BRINP1: variants seen among roughly 807,000 people sequenced by gnomAD.
BRINP1 encodes the protein BMP/retinoic acid inducible neural specific 1.
BRINP1 carries 17 observed loss-of-function variants against 72.9 expected under a neutral mutation model. That is an observed-to-expected ratio of 0.23 (90% CI 0.16 to 0.35). The LOEUF (loss-of-function observed/expected upper bound fraction) is 0.35, where lower values mean the gene tolerates loss of function less well. Ranked by LOEUF, BRINP1 falls within the 10% of genes least tolerant of loss-of-function variation. The pLI is 1.00. For missense variants in BRINP1, 850 were observed against 1,001.6 expected (o/e 0.85, Z 2.04); for synonymous variants, 418 against 378.5 (o/e 1.10, Z -1.21).
At chr9:119,352,889 TTCA>T (rs1263648322) in intron 1 of BRINP1, among the ~76,000 whole-genome samples, 2 of 152,210 alleles carry the variant, frequency 1.3e-5, no homozygotes, top group African/African-American at 4.8e-5. Context: ...CACTATCAAC[TTCA>T]TACAAATGAG....
intron 7 of BRINP1, among the ~76,000 whole-genome samples, chr9:119,200,471 T>A (rs1388071420): frequency 6.6e-6 from 1 of 151,684 alleles, no homozygotes; most frequent in Non-Finnish European, 1.5e-5. Context: ...AAAAATTAGA[T>A]AAGCTAGCCA....
At chr9:119,278,796 G>T (rs373785700) in intron 2 of BRINP1, among the ~76,000 whole-genome samples, 3 of 152,260 alleles carry the variant, frequency 2.0e-5, no homozygotes, top group African/African-American at 7.2e-5. Context: ...GCTGAGGCAG[G>T]AGAGTGGCTT....
At chr9:119,283,827 C>T (rs1221146) in intron 2 of BRINP1, among the ~76,000 whole-genome samples, 37,957 of 152,140 alleles carry the variant, frequency 0.25, 5,718 homozygotes, top group Non-Finnish European at 0.33. Context: ...GCCACTGCGC[C>T]TGGCCTCCTC....
chr9:119,325,918 C>T (rs117376687), intron 1 of BRINP1, among the ~76,000 whole-genome samples: 172 of 152,306 alleles, frequency 1.1e-3, no homozygotes, highest in Middle Eastern at 3.4e-3. Flanking sequence ...AATCTCCATG[C>T]CTCAGTGCCT....
At chr9:119,287,472 C>T (rs1830774278) in intron 2 of BRINP1, among the ~76,000 whole-genome samples, 1 of 152,180 alleles carries the variant, frequency 6.6e-6, no homozygotes, top group African/African-American at 2.4e-5. Flanking sequence ...CACATGTCTA[C>T]ACTAGAGTAC....
At chr9:119,345,386 G>T (rs1236362305) in intron 1 of BRINP1, among the ~76,000 whole-genome samples, 2 of 152,138 alleles carry the variant, frequency 1.3e-5, no homozygotes, top group Admixed American at 6.5e-5. Context: ...TGCTCTATTA[G>T]CTGTAATAGT....
chr9:119,204,554 A>T (rs1829833449), intron 7 of BRINP1, among the ~76,000 whole-genome samples: 1 of 152,142 alleles, frequency 6.6e-6, no homozygotes, highest in Non-Finnish European at 1.5e-5. Flanking sequence ...ATCGCTTCAT[A>T]AGACTGTAGT....
intron 7 of BRINP1, among the ~76,000 whole-genome samples, chr9:119,178,037 G>GTGTT (rs1373573761): frequency 6.6e-6 from 1 of 152,176 alleles, no homozygotes; most frequent in Non-Finnish European, 1.5e-5. Context: ...AAAGGACTTG[G>GTGTT]TGTTGGAGAT....
intron 2 of BRINP1, among the ~76,000 whole-genome samples, chr9:119,260,845 G>T (rs759706952): frequency 4.5e-4 from 68 of 152,224 alleles, no homozygotes; most frequent in Non-Finnish European, 7.8e-4. Flanking sequence ...GTCGTCTAAA[G>T]TATTCTTAGA....
chr9:119,309,560 A>AATG (rs1049802976), intron 2 of BRINP1, among the ~76,000 whole-genome samples: 62 of 152,202 alleles, frequency 4.1e-4, no homozygotes, highest in Admixed American at 9.2e-4. Context: ...ACTTTGTTAG[A>AATG]ATGATGATTT....
rs1453774368 is a variant in BRINP1 at position 119,193,075 on chromosome 9, C to G, written c.1145+15644G>C. 3.9e-5 allele frequency among the ~76,000 whole-genome samples: 6 copies of G among 152,130 alleles called. No individual in the cohort carries two copies. In the East Asian group the frequency reaches 1.2e-3, roughly 29 times the overall value. On this transcript the variant is annotated intron_variant, in intron 7 of 7. Coordinates refer to ENST00000265922, the MANE Select transcript of BRINP1 (RefSeq NM_014618.3). ...TATATTACCTAATGCAATGTAAATA[C>G]TATGACATGGTTATAATGCTATATT...
intron 2 of BRINP1, among the ~76,000 whole-genome samples, chr9:119,292,210 A>G (rs1053213306): frequency 6.6e-6 from 1 of 152,210 alleles, no homozygotes; most frequent in Non-Finnish European, 1.5e-5. Context: ...TAAAGCTAGA[A>G]CTAGAGCTGA....
chr9:119,219,157 A>G (rs1830013517), intron 5 of BRINP1, among the ~76,000 whole-genome samples: 1 of 152,120 alleles, frequency 6.6e-6, no homozygotes, highest in South Asian at 2.1e-4. Context: ...CTTTTGTGTA[A>G]GCCACCCAGT....
intron 3 of BRINP1, among the ~76,000 whole-genome samples, chr9:119,243,737 T>C (rs557100322): frequency 6.6e-6 from 1 of 152,366 alleles, no homozygotes; most frequent in African/African-American, 2.4e-5. Flanking sequence ...TTTTTGTCTT[T>C]TTCAGTGTAG....
chr9:119,240,302 A>G (rs1482242638), intron 4 of BRINP1, among the ~76,000 whole-genome samples: 1 of 152,062 alleles, frequency 6.6e-6, no homozygotes, highest in East Asian at 1.9e-4. Context: ...AACAGACCCA[A>G]TAGTGAGACA....
At chr9:119,254,622 G>A (rs1289989496) in intron 2 of BRINP1, among the ~76,000 whole-genome samples, 2 of 152,118 alleles carry the variant, frequency 1.3e-5, no homozygotes, top group South Asian at 2.1e-4. Context: ...AAAATTCTAA[G>A]TAACAAGAAA....
At chr9:119,343,544 G>A (rs890357951) in intron 1 of BRINP1, among the ~76,000 whole-genome samples, 2 of 152,008 alleles carry the variant, frequency 1.3e-5, no homozygotes, top group Admixed American at 1.3e-4. Context: ...AGCCATTCCT[G>A]CCTCCCAAAG....
intron 6 of BRINP1, 112 bp downstream of exon 6, chr9:119,213,807 G>T: frequency 2.2e-6 from 2 of 890,650 alleles, no homozygotes; most frequent in Non-Finnish European, 3.7e-6. Flanking sequence ...AAAGTGAAAG[G>T]GTCAGGGTCA....
At chr9:119,263,534 G>A (rs987521250) in intron 2 of BRINP1, among the ~76,000 whole-genome samples, 1 of 149,830 alleles carries the variant, frequency 6.7e-6, no homozygotes, top group African/African-American at 2.5e-5. Flanking sequence ...ATTGGACAGG[G>A]ACTGTATCTA....
Sources: allele counts gnomAD v4.1 joint callset (sites outside exome capture counted in the v4.1 genomes callset), GRCh38; gene constraint gnomAD v4.1.1; transcripts MANE v1.5; gene names NCBI Gene and HGNC (gene_info 2026-07-23, HGNC 2026-07-21).